Variants in FAAH2 observed in about 807,000 individuals in gnomAD.
The protein encoded by FAAH2 is fatty-acid amide hydrolase 2.
In FAAH2, 60 loss-of-function variants were observed where a neutral mutation model predicts 36.9. The observed-to-expected ratio is 1.63, with a 90% CI of 1.32 to 2.02. The LOEUF (loss-of-function observed/expected upper bound fraction) is 2.02, where lower values mean the gene tolerates loss of function less well. FAAH2 is among the 30% of genes most tolerant of loss of function. The pLI, the probability that FAAH2 is intolerant of heterozygous loss-of-function variation, is 0.00. For synonymous variants in FAAH2, 214 were observed against 143.8 expected (o/e 1.49, Z -3.49); for missense variants, 689 against 397.5 (o/e 1.73, Z -6.23).
Position 57,416,565 on chromosome X carries a change from A to C in FAAH2, c.997-15353A>C, listed in dbSNP as rs545603663. On this transcript the variant is annotated intron_variant, in intron 7 of 10. Coordinates refer to ENST00000374900, the MANE Select transcript of FAAH2 (RefSeq NM_174912.4). ...AATGCTGAATATTGGCCCCCACTCT[A>C]TTCTGGCTTGCAGGGTTTCTGCAGA... Among the ~76,000 whole-genome samples the C allele has an allele frequency of 3.6e-5, 4 of 112,061 alleles. No individual in the cohort carries two copies. In the East Asian group the frequency reaches 1.1e-3, roughly 31 times the overall value.
intron 10 of FAAH2, among the ~76,000 whole-genome samples, chrX:57,460,307 A>T (rs1475382905): frequency 1.8e-5 from 2 of 111,299 alleles, no homozygotes; most frequent in African/African-American, 6.5e-5. Flanking sequence ...AATACTGAGA[A>T]TACCACTAAG....
chrX:57,278,422 C>G, the FAAH2 span, among the ~76,000 whole-genome samples: 19 of 111,096 alleles, frequency 1.7e-4, no homozygotes, highest in East Asian at 4.5e-3. Flanking sequence ...TATAGAAGAA[C>G]TAATTCAAGA....
chrX:57,421,861 G>A (rs745961952), intron 7 of FAAH2, among the ~76,000 whole-genome samples: 3 of 111,737 alleles, frequency 2.7e-5, no homozygotes, highest in Non-Finnish European at 3.8e-5. Flanking sequence ...TTCCCAATAA[G>A]TCTAGAGTAG....
chrX:57,352,020 G>GTATATATA (rs1555979965), intron 5 of FAAH2, among the ~76,000 whole-genome samples: 2 of 7,765 alleles, frequency 2.6e-4, no homozygotes, highest in Non-Finnish European at 3.7e-3. Flanking sequence ...ATGTGTGTGT[G>GTATATATA]TATATATATA....
chrX:57,234,650 G>T, the FAAH2 span, among the ~76,000 whole-genome samples: 1 of 111,517 alleles, frequency 9.0e-6, no homozygotes, highest in Non-Finnish European at 1.9e-5. Context: ...TGCATACACA[G>T]TTCACAATAG....
chrX:57,474,497 T>C (rs2057229132), intron 10 of FAAH2, among the ~76,000 whole-genome samples: 1 of 111,661 alleles, frequency 9.0e-6, no homozygotes, highest in Non-Finnish European at 1.9e-5. Flanking sequence ...CTGAGAATTA[T>C]GGCTGCCAGC....
In FAAH2 at chrX:57,389,748, G is replaced by A. The variant is rs772070224; in HGVS notation, c.996+8719G>A. ...CAAATATATTACTAGACGTAGCATT[G>A]CTGGATCATATGGTAGTTCTATTTT... On this transcript the variant is annotated intron_variant, in intron 7 of 10. Coordinates refer to ENST00000374900, the MANE Select transcript of FAAH2 (RefSeq NM_174912.4). Among the ~76,000 whole-genome samples, 11 of 110,973 alleles carry A rather than the reference G, an allele frequency of 9.9e-5. No individual in the cohort carries two copies. The East Asian group carries it at 3.1e-3, about 31-fold the overall frequency.
At chrX:57,380,859 T>C in intron 6 of FAAH2, 53 bp from the exon 7 acceptor site, 1 of 785,551 alleles carries the variant, frequency 1.3e-6, no homozygotes, top group Non-Finnish European at 1.9e-6. Flanking sequence ...GATTGAACTA[T>C]TAAGGATATC....
intron 2 of FAAH2, among the ~76,000 whole-genome samples, chrX:57,305,099 C>T (rs924094278): frequency 9.2e-6 from 1 of 108,822 alleles, no homozygotes; most frequent in Non-Finnish European, 1.9e-5. Flanking sequence ...TATAATGGTT[C>T]ATGTAGTTAT....
the FAAH2 span, among the ~76,000 whole-genome samples, chrX:57,225,786 T>C: frequency 1.8e-5 from 2 of 112,331 alleles, no homozygotes; most frequent in African/African-American, 6.5e-5. Flanking sequence ...TTCTTCATTC[T>C]ATTAGTAATT....
At chrX:57,274,742 G>A in the FAAH2 span, among the ~76,000 whole-genome samples, 2 of 111,604 alleles carry the variant, frequency 1.8e-5, no homozygotes, top group Non-Finnish European at 3.8e-5. Flanking sequence ...ACTAGGTATC[G>A]ATGGAACATA....
the FAAH2 span, among the ~76,000 whole-genome samples, chrX:57,214,831 G>C: frequency 0.015 from 1,629 of 111,171 alleles, 38 homozygotes; most frequent in African/African-American, 0.051. Context: ...TCCAGCATAA[G>C]ATCCAAATTC....
At chrX:57,351,581 T>C (rs1439253099) in intron 5 of FAAH2, among the ~76,000 whole-genome samples, 1 of 110,197 alleles carries the variant, frequency 9.1e-6, no homozygotes, top group Non-Finnish European at 1.9e-5. Context: ...TGATCAACTG[T>C]GAGCTAAGCT....
chrX:57,327,460 G>A (rs970521344), intron 3 of FAAH2, among the ~76,000 whole-genome samples: 6 of 109,237 alleles, frequency 5.5e-5, no homozygotes, highest in Non-Finnish European at 9.5e-5. Flanking sequence ...CATTCTCCCC[G>A]TGACTTTCAG....
chrX:57,264,681 G>A, the FAAH2 span, among the ~76,000 whole-genome samples: 1 of 112,258 alleles, frequency 8.9e-6, no homozygotes, highest in Non-Finnish European at 1.9e-5. Context: ...CCCATTACTG[G>A]GTATATACCC....
chrX:57,466,156 C>CTCTCTATATATATATATA (rs1287266105), intron 10 of FAAH2, among the ~76,000 whole-genome samples: 14 of 66,392 alleles, frequency 2.1e-4, no homozygotes, highest in African/African-American at 5.9e-4. Flanking sequence ...CTCTCTCTCT[C>CTCTCTATATATATATATA]TATATATATA....
chrX:57,331,308 C>T (rs1569266496), intron 3 of FAAH2, among the ~76,000 whole-genome samples: 1 of 111,423 alleles, frequency 9.0e-6, no homozygotes, highest in East Asian at 2.9e-4. Context: ...GTTCAACTCA[C>T]CTTTTCCCCA....
the FAAH2 span, among the ~76,000 whole-genome samples, chrX:57,147,687 C>T: frequency 9.3e-4 from 104 of 111,639 alleles, 4 homozygotes; most frequent in South Asian, 0.036. Context: ...CACTTTTTGA[C>T]GTAGGTTAAC....
the FAAH2 span, among the ~76,000 whole-genome samples, chrX:57,230,084 G>A: frequency 3.6e-5 from 4 of 111,230 alleles, no homozygotes; most frequent in East Asian, 2.8e-4. Context: ...TCTCATACTC[G>A]CTTACAACAC....
Sources: allele counts gnomAD v4.1 joint callset (sites outside exome capture counted in the v4.1 genomes callset), GRCh38; gene constraint gnomAD v4.1.1; transcripts MANE v1.5; gene names NCBI Gene and HGNC (gene_info 2026-07-23, HGNC 2026-07-21).